Variants in NTM observed in about 807,000 individuals in gnomAD.
The protein encoded by NTM is neurotrimin.
In NTM, 13 loss-of-function variants were observed where a neutral mutation model predicts 42.1. The ratio of observed to expected loss-of-function variants is 0.31; its 90% CI spans 0.20 to 0.49. The LOEUF is 0.49. Ranked by LOEUF, NTM falls within the 20% of genes least tolerant of loss-of-function variation. The pLI, the probability that NTM is intolerant of heterozygous loss-of-function variation, is 0.99. For synonymous variants in NTM, 187 were observed against 179.2 expected, an observed-to-expected ratio of 1.04 and a Z score of -0.35; for missense variants, 373 against 452.8, an observed-to-expected ratio of 0.82 and a Z score of 1.60.
At chr11:131,763,858 T>C (rs1480306810) in intron 1 of NTM, among the ~76,000 whole-genome samples, 1 of 151,912 alleles carries the variant, frequency 6.6e-6, no homozygotes, top group East Asian at 1.9e-4. Context: ...TCTTCAGCTT[T>C]AGCCTTCAAT....
intron 4 of NTM, among the ~76,000 whole-genome samples, chr11:132,256,634 A>AT (rs11433579): frequency 0.13 from 18,229 of 137,158 alleles, 1,963 homozygotes; most frequent in African/African-American, 0.3. Context: ...CTGTTGGTTG[A>AT]TTTTTTTTTT....
At chr11:131,808,000 C>T (rs1410116296) in intron 1 of NTM, among the ~76,000 whole-genome samples, 1 of 152,102 alleles carries the variant, frequency 6.6e-6, no homozygotes, top group Non-Finnish European at 1.5e-5. Context: ...TTGGAGACGT[C>T]CTTCCTTGAA....
At chr11:131,821,906 T>C (rs1387605557) in intron 1 of NTM, among the ~76,000 whole-genome samples, 1 of 152,214 alleles carries the variant, frequency 6.6e-6, no homozygotes. Context: ...GTAAAACTAG[T>C]TTCTTTGTGG....
intron 1 of NTM, among the ~76,000 whole-genome samples, chr11:131,661,404 T>C (rs2134468693): frequency 6.6e-6 from 1 of 152,332 alleles, no homozygotes; most frequent in Admixed American, 6.5e-5. Context: ...AGGAAGAACG[T>C]CATTCCTGAC....
chr11:132,331,104 T>C (rs1454264228), intron 8 of NTM, among the ~76,000 whole-genome samples: 1 of 152,238 alleles, frequency 6.6e-6, no homozygotes, highest in Non-Finnish European at 1.5e-5. Flanking sequence ...GAGCAGGCCA[T>C]GCAGCCACAC....
intron 1 of NTM, among the ~76,000 whole-genome samples, chr11:131,797,538 C>A (rs535256951): frequency 2.2e-4 from 33 of 152,192 alleles, no homozygotes; most frequent in African/African-American, 7.7e-4. Flanking sequence ...AGTTGATGAC[C>A]CACTCTGGGA....
intron 1 of NTM, among the ~76,000 whole-genome samples, chr11:131,460,211 C>A (rs1951252346): frequency 6.6e-6 from 1 of 152,136 alleles, no homozygotes; most frequent in East Asian, 1.9e-4. Context: ...GTCATGTCTT[C>A]TGATGAGGAA....
intron 2 of NTM, among the ~76,000 whole-genome samples, chr11:131,951,983 C>T (rs1321230529): frequency 2.0e-5 from 3 of 152,050 alleles, no homozygotes; most frequent in African/African-American, 4.8e-5. Flanking sequence ...TATAAAAGTT[C>T]ACAACAAGAA....
chr11:132,286,827 T>G (rs942293516), intron 4 of NTM, among the ~76,000 whole-genome samples: 1 of 152,172 alleles, frequency 6.6e-6, no homozygotes, highest in Non-Finnish European at 1.5e-5. Flanking sequence ...GGGAGATGCA[T>G]CAGACTTAGG....
intron 1 of NTM, chr11:131,671,367 G>A (rs2070198322): frequency 1.1e-6 from 1 of 935,652 alleles, no homozygotes; most frequent in African/African-American, 1.8e-5. Context: ...TTTATGGAAG[G>A]CCAGGGACAC....
Position 131,681,533 on chromosome 11 carries a change from C to T in NTM, c.83-230031C>T, listed in dbSNP as rs557049063. ...TGTTTCTGTGTCTGTGTGTATGTCT[C>T]CCTGTGTATGTGAGCGTGTGTATTT... is the stretch of plus-strand genomic sequence containing the variant. On this transcript the variant is annotated intron_variant, in intron 1 of 8. Transcript: ENST00000683400. 2.8e-4 allele frequency among the ~76,000 whole-genome samples: 4 copies of T among 14,160 alleles called. 1 individual carries two copies. Among genetic ancestry groups the T allele is most frequent in the Admixed American group, 1.4e-3 (1 of 698 alleles). The allele number at this position is 14,160 out of a possible 152,430, so 9.3% of individuals were successfully genotyped here.
intron 2 of NTM, among the ~76,000 whole-genome samples, chr11:132,113,497 A>G (rs1384597294): frequency 6.6e-6 from 1 of 152,100 alleles, no homozygotes; most frequent in Non-Finnish European, 1.5e-5. Flanking sequence ...GTTTGCTTGC[A>G]TTAGGATGGA....
At chr11:131,688,460 T>C (rs1461665743) in intron 1 of NTM, among the ~76,000 whole-genome samples, 1 of 152,268 alleles carries the variant, frequency 6.6e-6, no homozygotes, top group Non-Finnish European at 1.5e-5. Context: ...GTCATTTCTC[T>C]TTTGGAGAAG....
intron 2 of NTM, among the ~76,000 whole-genome samples, chr11:131,931,468 C>T (rs987622648): frequency 2.2e-4 from 31 of 142,604 alleles, no homozygotes; most frequent in Non-Finnish European, 2.7e-4. Flanking sequence ...ATAATATATA[C>T]GTGTGTGTGT....
intron 1 of NTM, among the ~76,000 whole-genome samples, chr11:131,403,520 C>T (rs1945475166): frequency 6.6e-6 from 1 of 152,120 alleles, no homozygotes; most frequent in Non-Finnish European, 1.5e-5. Context: ...AAGAAACAAA[C>T]AAACAAACAA....
At chr11:132,219,550 G>C (rs1023864767) in intron 4 of NTM, among the ~76,000 whole-genome samples, 5 of 151,776 alleles carry the variant, frequency 3.3e-5, no homozygotes, top group Non-Finnish European at 5.9e-5. Context: ...ATATAATAAT[G>C]TATCTCTTTG....
At chr11:131,414,030 G>A (rs1463248502) in intron 1 of NTM, among the ~76,000 whole-genome samples, 2 of 152,172 alleles carry the variant, frequency 1.3e-5, no homozygotes, top group African/African-American at 2.4e-5. Context: ...GGGCAAGCCT[G>A]CAACTGAACC....
At chr11:132,086,064 C>A (rs183963244) in intron 2 of NTM, among the ~76,000 whole-genome samples, 4 of 152,190 alleles carry the variant, frequency 2.6e-5, no homozygotes, top group Admixed American at 6.5e-5. Context: ...GTGGCTCACG[C>A]CTGTAATCCC....
At chr11:132,068,899 C>T (rs2056924432) in intron 2 of NTM, among the ~76,000 whole-genome samples, 1 of 152,208 alleles carries the variant, frequency 6.6e-6, no homozygotes, top group Middle Eastern at 3.2e-3. Flanking sequence ...GTGAGACCCA[C>T]CCAGATTATC....
Sources: gnomAD v4.1 joint callset for allele counts (sites outside exome capture counted in the v4.1 genomes callset) on GRCh38, gnomAD v4.1.1 for gene constraint, MANE v1.5 for transcripts, NCBI Gene and HGNC (gene_info 2026-07-23, HGNC 2026-07-21) for gene names.